Variants in PDE12 observed in about 807,000 individuals in gnomAD.
The protein encoded by PDE12 is 2',5'-phosphodiesterase 12.
A neutral mutation model predicts 45.4 loss-of-function variants in PDE12; 26 were observed. The observed-to-expected ratio is 0.57, with a 90% confidence interval of 0.42 to 0.79. PDE12 has a LOEUF of 0.79. Among genes scored for constraint, PDE12 ranks in the 30% least tolerant of loss-of-function variants. The pLI, the probability that PDE12 is intolerant of heterozygous loss-of-function variation, is 0.00. For synonymous variants in PDE12, 283 were observed against 323.9 expected (o/e 0.87, Z 1.36); for missense variants, 668 against 790.0 (o/e 0.85, Z 1.85).
At chr3:57,650,917 T>G in the PDE12 span, among the ~76,000 whole-genome samples, 1 of 152,016 alleles carries the variant, frequency 6.6e-6, no homozygotes, top group South Asian at 2.1e-4. Context: ...CCAGAGTAGC[T>G]GGGATTACAG....
rs1358050778 is a variant in PDE12, at chr3:57,556,628, A to G, written c.249A>G (p.Leu83=). 1.2e-6 allele frequency: 2 copies of G among 1,609,066 alleles called. No individual in the cohort carries two copies. Among genetic ancestry groups the G allele is most frequent in the Admixed American group, 3.3e-5 (2 of 59,888 alleles). The part of the protein sequence containing the change: ...RVLSRIATNA[L]KGHAKAAAAK... ...TCAGCCGCATCGCTACCAATGCCCTAAAGGGTCACGCTAAGGCGGCCGCCG... is the reference window on the plus strand; with the variant it reads ...TCAGCCGCATCGCTACCAATGCCCTGAAGGGTCACGCTAAGGCGGCCGCCG... Residue 83 remains leucine (L), a synonymous_variant, in exon 1 of 3, where the codon CTA becomes CTG. Transcript: ENST00000311180. The surrounding 1 kb of genome is among the most constrained non-coding windows in gnomAD (Gnocchi z 5.0).
the PDE12 span, among the ~76,000 whole-genome samples, chr3:57,614,583 G>T: frequency 3.4e-5 from 4 of 118,466 alleles, no homozygotes; most frequent in Admixed American, 4.6e-4. Context: ...TTGCTCTGTT[G>T]CCCAGACTGG....
the PDE12 span, among the ~76,000 whole-genome samples, chr3:57,579,073 G>C: frequency 6.6e-6 from 1 of 151,640 alleles, no homozygotes; most frequent in African/African-American, 2.4e-5. Flanking sequence ...GAGGCAGGTG[G>C]ATCACCTGAG....
the PDE12 span, among the ~76,000 whole-genome samples, chr3:57,642,961 G>A: frequency 1.6e-4 from 24 of 148,994 alleles, no homozygotes; most frequent in African/African-American, 5.2e-4. Flanking sequence ...AGCCAAGATC[G>A]CGCCATCACA....
chr3:57,613,850 G>C, the PDE12 span, among the ~76,000 whole-genome samples: 1 of 138,962 alleles, frequency 7.2e-6, no homozygotes, highest in African/African-American at 2.8e-5. Flanking sequence ...GCAGTGAGCC[G>C]AGGTCACACC....
chr3:57,655,762 A>T, the PDE12 span, among the ~76,000 whole-genome samples: 1 of 152,196 alleles, frequency 6.6e-6, no homozygotes, highest in East Asian at 1.9e-4. Context: ...AAAAGTCCAA[A>T]ATCCAAAACA....
the PDE12 span, chr3:57,628,364 A>T: frequency 6.2e-7 from 1 of 1,610,156 alleles, no homozygotes. Context: ...GGAACATTTC[A>T]TAACATTTAA....
the PDE12 span, chr3:57,626,277 A>G: frequency 3.9e-5 from 6 of 152,624 alleles, no homozygotes; most frequent in Admixed American, 1.3e-4. Context: ...AATGCCCTTA[A>G]GAGTTATATC....
the PDE12 span, among the ~76,000 whole-genome samples, chr3:57,582,936 GCA>G: frequency 6.6e-6 from 1 of 152,326 alleles, no homozygotes; most frequent in Non-Finnish European, 1.5e-5. Context: ...TCAGCAGGGA[GCA>G]ATTTTGCCCC....
chr3:57,613,900 C>CAAAAAAAAAA, the PDE12 span, among the ~76,000 whole-genome samples: 21 of 59,434 alleles, frequency 3.5e-4, no homozygotes, highest in East Asian at 1.1e-3. Context: ...GACTCCATCT[C>CAAAAAAAAAA]AAAAAAAAAA....
chr3:57,595,646 C>T, the PDE12 span, among the ~76,000 whole-genome samples: 1 of 152,080 alleles, frequency 6.6e-6, no homozygotes, highest in African/African-American at 2.4e-5. Flanking sequence ...GATGGTAGTA[C>T]AGCTCTAAAA....
chr3:57,596,896 C>CGG, the PDE12 span: 1 of 621,900 alleles, frequency 1.6e-6, no homozygotes. Context: ...AGATCGGGGG[C>CGG]GGGGGGGATC....
chr3:57,604,959 C>G, the PDE12 span, among the ~76,000 whole-genome samples: 1 of 152,054 alleles, frequency 6.6e-6, no homozygotes. Context: ...TGCTGGGACT[C>G]TCACTTCTAG....
the PDE12 span, among the ~76,000 whole-genome samples, chr3:57,586,369 A>T: frequency 6.6e-6 from 1 of 152,202 alleles, no homozygotes; most frequent in African/African-American, 2.4e-5. Context: ...TATCTCACTT[A>T]TCTAATTTAC....
At chr3:57,631,761 C>T in the PDE12 span, among the ~76,000 whole-genome samples, 90 of 116,440 alleles carry the variant, frequency 7.7e-4, no homozygotes, top group Non-Finnish European at 5.5e-4. Context: ...CTCACTCTTT[C>T]GCCCAAGCTG....
At chr3:57,608,564 CAA>C in the PDE12 span, among the ~76,000 whole-genome samples, 42 of 151,094 alleles carry the variant, frequency 2.8e-4, no homozygotes, top group Middle Eastern at 3.4e-3. Flanking sequence ...AAATGGAAAA[CAA>C]AAAAAGGCAG....
At chr3:57,613,475 G>A in the PDE12 span, among the ~76,000 whole-genome samples, 6 of 151,304 alleles carry the variant, frequency 4.0e-5, no homozygotes, top group Middle Eastern at 6.8e-3. Flanking sequence ...TGTATTTTTC[G>A]TAGAGACAGG....
At position 57,562,044 on chromosome 3, in the gene PDE12, C is replaced by T; in HGVS notation, c.*2040C>T. The T allele has an allele frequency of 5.1e-6, 5 of 979,826 alleles. No homozygotes were observed. Among genetic ancestry groups the T allele is most frequent in the Non-Finnish European group, 6.1e-6 (5 of 824,930 alleles). The allele number at this position is 979,826 out of a possible 1,614,324, so 60.7% of individuals were successfully genotyped here. A position where few individuals can be genotyped will look rare whatever the true frequency, so the allele number is the denominator to read the frequency against. ...AATAGATTAAAACCAAATCTTGATTCTCTTGTGAATTTTTTTTTCATTTTA... is the reference window on the plus strand; with the variant it reads ...AATAGATTAAAACCAAATCTTGATTTTCTTGTGAATTTTTTTTTCATTTTA... On this transcript the variant is annotated 3_prime_UTR_variant, in exon 3 of 3. Coordinates refer to ENST00000311180, the MANE Select transcript of PDE12 (RefSeq NM_177966.7).
At chr3:57,636,349 G>C in the PDE12 span, among the ~76,000 whole-genome samples, 2 of 152,114 alleles carry the variant, frequency 1.3e-5, no homozygotes, top group Non-Finnish European at 2.9e-5. Flanking sequence ...ACAGATACTT[G>C]TTAAAAAAGC....
Sources: gnomAD v4.1 joint callset for allele counts (sites outside exome capture counted in the v4.1 genomes callset) on GRCh38, gnomAD v4.1.1 for gene constraint, Gnocchi (gnomAD v3.1) non-coding constraint, MANE v1.5 for transcripts, NCBI Gene and HGNC (gene_info 2026-07-23, HGNC 2026-07-21) for gene names.